The following SUCLG2 variants were observed in gnomAD, a reference collection of about 807,000 sequenced individuals.
SUCLG2 encodes the protein succinate-CoA ligase GDP-forming subunit beta, also known as succinate--CoA ligase [GDP-forming] subunit beta, mitochondrial.
A neutral mutation model predicts 47.9 loss-of-function variants in SUCLG2; 42 were observed. That is an observed-to-expected ratio of 0.88 (90% confidence interval 0.69 to 1.14). The LOEUF (loss-of-function observed/expected upper bound fraction) is 1.14, where lower values mean the gene tolerates loss of function less well. Ranked by LOEUF, SUCLG2 falls within the 50% of genes most tolerant of loss-of-function variation. The pLI, the probability that SUCLG2 is intolerant of heterozygous loss-of-function variation, is 0.00. For synonymous variants in SUCLG2, 195 were observed against 197.3 expected (o/e 0.99, Z 0.10); for missense variants, 571 against 525.9 (o/e 1.09, Z -0.84).
rs188350712 is a variant in SUCLG2, at chr3:67,436,504, C to A, written c.1063-35653G>T. On this transcript the variant is annotated intron_variant, in intron 9 of 10. Coordinates refer to ENST00000307227, the MANE Select transcript of SUCLG2 (RefSeq NM_003848.4). ...ATAAAAATCCTGTAGCCAAACAAGA[C>A]CAACGATTCAAAAATCTTCACTGGT... Among the ~76,000 whole-genome samples, 4 of 152,256 alleles carry A rather than the reference C, an allele frequency of 2.6e-5. No homozygotes were observed. The East Asian group carries it at 7.7e-4, about 29-fold the overall frequency.
At position 67,375,534 on chromosome 3, in the gene SUCLG2, C is replaced by T. The variant is rs1437950684; in HGVS notation, c.*210G>A. 4 of 1,338,540 alleles carry T rather than the reference C, an allele frequency of 3.0e-6. No homozygotes were observed. The highest frequency in any genetic ancestry group is 6.5e-5 in the Admixed American group (2 of 30,594). The allele number at this position is 1,338,540 out of a possible 1,614,324, so 82.9% of individuals were successfully genotyped here. A position where few individuals can be genotyped will look rare whatever the true frequency, so the allele number is the denominator to read the frequency against. ...TTACAGTGACAGAAAAGTATGAGAA[C>T]ACAAGATATTATTTTTATAAAGACC... On this transcript the variant is annotated 3_prime_UTR_variant, in exon 11 of 11. Coordinates refer to ENST00000307227, the MANE Select transcript of SUCLG2 (RefSeq NM_003848.4).
intron 9 of SUCLG2, among the ~76,000 whole-genome samples, chr3:67,401,884 A>AT (rs1426966671): frequency 2.0e-5 from 3 of 152,216 alleles, no homozygotes. Context: ...TTTGTATAGC[A>AT]TTTAAATGTT....
intron 9 of SUCLG2, among the ~76,000 whole-genome samples, chr3:67,447,100 A>C (rs1279218756): frequency 6.6e-6 from 1 of 152,202 alleles, no homozygotes; most frequent in Non-Finnish European, 1.5e-5. Flanking sequence ...CAAAATGCAG[A>C]TGTTAACAGG....
intron 1 of SUCLG2, among the ~76,000 whole-genome samples, chr3:67,620,952 T>C (rs1700726373): frequency 6.6e-6 from 1 of 152,238 alleles, no homozygotes; most frequent in South Asian, 2.1e-4. Context: ...AAATTCACGT[T>C]TTAGAAAAGC....
At chr3:67,618,222 C>T (rs1017901053) in intron 1 of SUCLG2, among the ~76,000 whole-genome samples, 6 of 152,092 alleles carry the variant, frequency 3.9e-5, no homozygotes, top group African/African-American at 1.4e-4. Flanking sequence ...GAGATTGAGA[C>T]CATCCTGGCC....
At chr3:67,444,311 A>T (rs1703868004) in intron 9 of SUCLG2, among the ~76,000 whole-genome samples, 1 of 76,720 alleles carries the variant, frequency 1.3e-5, no homozygotes, top group East Asian at 5.5e-4. Context: ...CCACCCGGCC[A>T]GCCGCCCCGT....
intron 1 of SUCLG2, among the ~76,000 whole-genome samples, chr3:67,617,354 C>T (rs1700648401): frequency 6.6e-6 from 1 of 152,014 alleles, no homozygotes; most frequent in South Asian, 2.1e-4. Context: ...AAACATGCTA[C>T]AGAAATAGGT....
chr3:67,392,564 GT>G (rs1467679143), intron 10 of SUCLG2, among the ~76,000 whole-genome samples: 1 of 152,152 alleles, frequency 6.6e-6, no homozygotes, highest in East Asian at 1.9e-4. Flanking sequence ...GATAATGTGA[GT>G]AATTGAAATT....
In SUCLG2 at chr3:67,380,167, T is replaced by C. The variant is rs1702123966; in HGVS notation, c.1184-4308A>G. ...TGCTCAAGGTGCAATCAGGAGGGAT[T>C]TTTTTTTTTTTTTTGGAGTCCTCTC... On this transcript the variant is annotated intron_variant, in intron 10 of 10. Coordinates refer to ENST00000307227, the MANE Select transcript of SUCLG2 (RefSeq NM_003848.4). Among the ~76,000 whole-genome samples the C allele has an allele frequency of 7.3e-5, 3 of 41,352 alleles. No homozygotes were observed. In the South Asian group the frequency reaches 2.0e-3, roughly 27 times the overall value. 27.1% of individuals were successfully genotyped at this position (41,352 alleles called of 152,430 possible).
At chr3:67,365,223 G>A (rs949184217) in intron 10 of SUCLG2, among the ~76,000 whole-genome samples, 5 of 152,110 alleles carry the variant, frequency 3.3e-5, no homozygotes, top group African/African-American at 1.2e-4. Flanking sequence ...GGAGAAAGTG[G>A]GGCTGGAAAC....
At position 67,640,504 on chromosome 3, in the gene SUCLG2, C is replaced by T. The variant is rs74842296; in HGVS notation, c.84+13999G>A. Among the ~76,000 whole-genome samples, 1,050 of 152,282 alleles carry T rather than the reference C, an allele frequency of 6.9e-3. 12 individuals carry two copies. The highest frequency in any genetic ancestry group is 0.024 in the African/African-American group (984 of 41,538). ...GTGATTCACTCCTAAAAATCCACTACGATTCTTCCTAGATGACTTCATCTA... is the reference window on the plus strand; with the variant it reads ...GTGATTCACTCCTAAAAATCCACTATGATTCTTCCTAGATGACTTCATCTA... On this transcript the variant is annotated intron_variant, in intron 1 of 10. Coordinates refer to ENST00000307227, the MANE Select transcript of SUCLG2 (RefSeq NM_003848.4).
At chr3:67,551,329 A>G (rs1707008716) in intron 2 of SUCLG2, among the ~76,000 whole-genome samples, 1 of 152,126 alleles carries the variant, frequency 6.6e-6, no homozygotes, top group Non-Finnish European at 1.5e-5. Context: ...AATGCACACC[A>G]TGTTTTTATT....
intron 2 of SUCLG2, among the ~76,000 whole-genome samples, chr3:67,548,945 T>C (rs1041872382): frequency 7.2e-5 from 11 of 152,148 alleles, no homozygotes; most frequent in Admixed American, 3.9e-4. Context: ...CTTGAAACAC[T>C]CCTAAATCAG....
In SUCLG2 at chr3:67,477,600, C is replaced by T. The variant is rs563973717; in HGVS notation, c.1062+18198G>A. On this transcript the variant is annotated intron_variant, in intron 9 of 10. Coordinates refer to ENST00000307227, the MANE Select transcript of SUCLG2 (RefSeq NM_003848.4). ...ATCCCAGCTACTTGGGAGGCTGAGG[C>T]AGGAGAATCACTTGAACCCGAGAGG... is the stretch of plus-strand genomic sequence containing the variant. Among the ~76,000 whole-genome samples, 129 of 152,266 alleles carry T rather than the reference C, an allele frequency of 8.5e-4. 1 individual carries two copies. The highest frequency in any genetic ancestry group is 6.8e-3 in the Middle Eastern group (2 of 294).
intron 9 of SUCLG2, among the ~76,000 whole-genome samples, chr3:67,447,150 A>G (rs1703947086): frequency 6.6e-6 from 1 of 152,206 alleles, no homozygotes; most frequent in Non-Finnish European, 1.5e-5. Flanking sequence ...CAAGGTCAAT[A>G]AAACTGAGTT....
At chr3:67,560,488 C>T (rs1312346519) in intron 2 of SUCLG2, among the ~76,000 whole-genome samples, 1 of 152,164 alleles carries the variant, frequency 6.6e-6, no homozygotes, top group Non-Finnish European at 1.5e-5. Flanking sequence ...GTCTGCCAAC[C>T]ACTAGCTATG....
At chr3:67,502,822 T>A (rs915001101) in intron 7 of SUCLG2, among the ~76,000 whole-genome samples, 2 of 152,186 alleles carry the variant, frequency 1.3e-5, no homozygotes, top group South Asian at 2.1e-4. Context: ...TGAATAAGAA[T>A]TTTCCCAAAG....
At chr3:67,405,737 C>T (rs373505094) in intron 9 of SUCLG2, among the ~76,000 whole-genome samples, 19 of 152,132 alleles carry the variant, frequency 1.2e-4, no homozygotes, top group African/African-American at 3.9e-4. Flanking sequence ...GAATTTTTGT[C>T]TGAATGTGTA....
Position 67,508,829 on chromosome 3 carries a change from A to G in SUCLG2, c.735T>C (p.Phe245=). The change falls in exon 7 of 11, where the codon TTT becomes TTC. Residue 245 remains phenylalanine (F), a synonymous_variant. Coordinates refer to ENST00000307227, the MANE Select transcript of SUCLG2 (RefSeq NM_003848.4). ...TACCTTGTCCTTCTGGAGTTTCACC[A>G]AAGGGATTCACTTCCACCTGAGTAG... ...IDATQVEVNP[F]GETPEGQVVC... 4 of 1,607,582 alleles carry G rather than the reference A, an allele frequency of 2.5e-6. No homozygotes were observed. Among genetic ancestry groups the G allele is most frequent in the Non-Finnish European group, 3.4e-6 (4 of 1,177,782 alleles).
Sources: gnomAD v4.1 joint callset for allele counts (sites outside exome capture counted in the v4.1 genomes callset) on GRCh38, gnomAD v4.1.1 for gene constraint, MANE v1.5 for transcripts, NCBI Gene and HGNC (gene_info 2026-07-23, HGNC 2026-07-21) for gene names.